Variants in PITHD1 observed in about 807,000 individuals in gnomAD.
PITHD1 encodes PITH domain containing 1.
PITHD1 carries 8 observed loss-of-function variants against 27.5 expected under a neutral mutation model. The ratio of observed to expected loss-of-function variants is 0.29; its 90% confidence interval spans 0.17 to 0.52. PITHD1 has a LOEUF of 0.52. Among genes scored for constraint, PITHD1 ranks in the 20% least tolerant of loss-of-function variants. PITHD1 has a pLI of 0.96. For synonymous variants in PITHD1, 118 were observed against 106.8 expected (o/e 1.10, Z -0.64); for missense variants, 233 against 283.9 (o/e 0.82, Z 1.29).
intron 3 of PITHD1, among the ~76,000 whole-genome samples, chr1:23,780,152 G>C (rs1025543660): frequency 6.6e-6 from 1 of 152,120 alleles, no homozygotes; most frequent in Non-Finnish European, 1.5e-5. Context: ...GCCCAACAGC[G>C]TGTCTCATAT....
In PITHD1 at chr1:23,785,568, TCTC is replaced by T. The variant is rs201013989; in HGVS notation, c.321-104_321-102del. On this transcript the variant is annotated intron_variant, in intron 3 of 5. Coordinates refer to ENST00000246151, the MANE Select transcript of PITHD1 (RefSeq NM_020362.5). ...TCTAAAATATGACCCCCAAATTCAG[TCTC>T]CTATTGATAGAACCAAAGCCATTTA... 1,439 of 581,296 alleles carry T rather than the reference TCTC, an allele frequency of 2.5e-3. 12 individuals are homozygous for T. Among genetic ancestry groups the T allele is most frequent in the African/African-American group, 0.023 (1,245 of 53,210 alleles). The allele number at this position is 581,296 out of a possible 1,614,324, so 36.0% of individuals were successfully genotyped here.
At chr1:23,786,814 A>G (rs746366974) in intron 5 of PITHD1, among the ~76,000 whole-genome samples, 4 of 151,542 alleles carry the variant, frequency 2.6e-5, no homozygotes, top group Non-Finnish European at 4.4e-5. Context: ...CTGGTCTCGA[A>G]CTCCTGACCT....
intron 3 of PITHD1, among the ~76,000 whole-genome samples, chr1:23,784,765 G>A (rs1382756057): frequency 6.6e-6 from 1 of 152,196 alleles, no homozygotes; most frequent in Non-Finnish European, 1.5e-5. Context: ...CACCCAGGCT[G>A]GAGTACAGTG....
chr1:23,779,923 A>C lies in PITHD1; in HGVS notation c.302A>C (p.His101Pro). 1 of 1,611,632 alleles carries C rather than the reference A, an allele frequency of 6.2e-7. No homozygotes were observed. The highest frequency in any genetic ancestry group is 8.5e-7 in the Non-Finnish European group (1 of 1,177,812). The change falls in exon 3 of 6, where the codon CAC (histidine) becomes CCC (proline). Residue 101 changes from histidine (H) to proline (P), a missense_variant. Physicochemically the swap from His to Pro is moderately conservative, Grantham distance 77 (BLOSUM62 -2). Coordinates refer to ENST00000246151, the MANE Select transcript of PITHD1 (RefSeq NM_020362.5). The stretch of plus-strand genomic sequence containing the variant: ...ATAATGGGAGAGGATGATGACTCAC[A>C]CCCCTCTGAGATGAGACTGTAAGTG... The part of the protein sequence containing the change: ...IIIMGEDDDS[H>P]PSEMRLYKNI...
Position 23,778,630 on chromosome 1 carries a change from C to A in PITHD1, c.115C>A (p.Arg39=). 1 of 1,332,244 alleles carries A rather than the reference C, an allele frequency of 7.5e-7. No homozygotes were observed. Among genetic ancestry groups the A allele is most frequent in the Admixed American group, 3.9e-5 (1 of 25,918 alleles). The allele number at this position is 1,332,244 out of a possible 1,614,324, so 82.5% of individuals were successfully genotyped here. The change falls in exon 1 of 6, where the codon CGG becomes AGG. Residue 39 remains arginine, a synonymous_variant. Transcript: ENST00000246151. ...CCTGTACCTGCGCATCGACCTGGAG[C>A]GGCTGCAATGCCTTAACGAGAGCCG... is the stretch of plus-strand genomic sequence containing the variant. ...YGLYLRIDLE[R]LQCLNESREG...
chr1:23,778,753 G>T, intron 1 of PITHD1, 40 bp downstream of exon 1: 1 of 1,146,176 alleles, frequency 8.7e-7, no homozygotes, highest in Non-Finnish European at 1.1e-6. Context: ...GGCAGGGTGC[G>T]TGTGGGGCCT....
At position 23,788,148 on chromosome 1, in the gene PITHD1, A is replaced by C. The variant is rs1638712566; in HGVS notation, c.*772A>C. ...TAACTAGTGTTGTAAGTCCGATGCC[A>C]GAATTTGGAGATTTGAGTTCTTCTT... On this transcript the variant is annotated 3_prime_UTR_variant, in exon 6 of 6. Coordinates refer to ENST00000246151, the MANE Select transcript of PITHD1 (RefSeq NM_020362.5). 1 of 152,246 alleles carries C rather than the reference A, an allele frequency of 6.6e-6. No individual in the cohort carries two copies. The highest frequency in any genetic ancestry group is 2.1e-4 in the South Asian group (1 of 4,830). The allele number at this position is 152,246 out of a possible 1,614,324, so 9.4% of individuals were successfully genotyped here.
chr1:23,778,674 C>T lies in PITHD1; in HGVS notation c.159C>T (p.Gly53=). The change falls in exon 1 of 6, where the codon GGC becomes GGT. Residue 53 remains glycine, a synonymous_variant. Coordinates refer to ENST00000246151, the MANE Select transcript of PITHD1 (RefSeq NM_020362.5). ...AGAGCCGCGAGGGCAGCGGCCGCGG[C>T]GTCTTCAAGCCGTGGGAGGAGCGGA... is the stretch of plus-strand genomic sequence containing the variant. ...LNESREGSGR[G]VFKPWEERTD... is the part of the protein sequence containing the mutation. The T allele has an allele frequency of 1.5e-6, 2 of 1,316,346 alleles. No homozygotes were observed. The highest frequency in any genetic ancestry group is 2.2e-5 in the South Asian group (1 of 44,798). The allele number at this position is 1,316,346 out of a possible 1,614,324, so 81.5% of individuals were successfully genotyped here.
intron 4 of PITHD1, among the ~76,000 whole-genome samples, chr1:23,785,993 G>T (rs544844233): frequency 6.6e-6 from 1 of 152,338 alleles, no homozygotes; most frequent in East Asian, 1.9e-4. Context: ...CTCCTAGGGT[G>T]GTTTTAGGAA....
chr1:23,785,167 T>A (rs1391415455), intron 3 of PITHD1: 2 of 153,420 alleles, frequency 1.3e-5, no homozygotes, highest in Admixed American at 1.3e-4. Flanking sequence ...TGGGGTTATG[T>A]TGCAGATCTC....
chr1:23,781,063 C>CTG (rs1638589667), intron 3 of PITHD1, among the ~76,000 whole-genome samples: 1 of 151,898 alleles, frequency 6.6e-6, no homozygotes, highest in Admixed American at 6.6e-5. Flanking sequence ...TGGCACACGC[C>CTG]TGTAATCCCA....
At chr1:23,785,526 T>C in intron 3 of PITHD1, 149 bp from the exon 4 acceptor site, 1 of 518,654 alleles carries the variant, frequency 1.9e-6, no homozygotes, top group Non-Finnish European at 3.5e-6. Context: ...TTGGAGATAC[T>C]TGTATAAAAT....
Position 23,779,434 on chromosome 1 carries a change from C to T in PITHD1, c.199-4C>T, listed in dbSNP as rs1161478456. 1 of 1,611,120 alleles carries T rather than the reference C, an allele frequency of 6.2e-7. No homozygotes were observed. The highest frequency in any genetic ancestry group is 8.5e-7 in the Non-Finnish European group (1 of 1,177,372). ...TTCTCCTCCCCCCTCCCCATCCCCT[C>T]CAGTTTGTTGAAAGTGATGCAGATG... On this transcript the variant is annotated splice_region_variant and splice_polypyrimidine_tract_variant and intron_variant, in intron 1 of 5. Transcript: ENST00000246151.
chr1:23,782,594 T>C (rs908751924), intron 3 of PITHD1, among the ~76,000 whole-genome samples: 4 of 151,978 alleles, frequency 2.6e-5, no homozygotes, highest in African/African-American at 7.3e-5. Flanking sequence ...AGAGCAAGGC[T>C]TAAAAAAAAA....
chr1:23,786,516 C>A, intron 5 of PITHD1, 93 bp downstream of exon 5: 1 of 468,212 alleles, frequency 2.1e-6, no homozygotes, highest in South Asian at 5.0e-5. Flanking sequence ...GAGCAAGTGT[C>A]ATAATTACTC....
intron 3 of PITHD1, among the ~76,000 whole-genome samples, chr1:23,780,490 G>C (rs568216101): frequency 1.3e-5 from 2 of 152,298 alleles, no homozygotes; most frequent in South Asian, 4.1e-4. Flanking sequence ...AAAAGAAGGG[G>C]AAAACTGCTT....
rs185152191 is a variant in PITHD1, at chr1:23,783,707, C to T, written c.321-1968C>T. Among the ~76,000 whole-genome samples, 465 of 151,754 alleles carry T rather than the reference C, an allele frequency of 3.1e-3. 2 individuals carry two copies. The highest frequency in any genetic ancestry group is 0.015 in the South Asian group (71 of 4,794). ...TGACCTCAAGTGATCCGCCTGCCTC[C>T]GCCTCCCAAAGTGCTGGGATTACAG... On this transcript the variant is annotated intron_variant, in intron 3 of 5. Coordinates refer to ENST00000246151, the MANE Select transcript of PITHD1 (RefSeq NM_020362.5).
chr1:23,782,652 A>G (rs2148400437), intron 3 of PITHD1, among the ~76,000 whole-genome samples: 1 of 152,288 alleles, frequency 6.6e-6, no homozygotes, highest in South Asian at 2.1e-4. Flanking sequence ...CCTAGGCTGG[A>G]GTGCAGTAGT....
intron 3 of PITHD1, among the ~76,000 whole-genome samples, chr1:23,785,021 A>G (rs1361746406): frequency 2.0e-5 from 3 of 152,146 alleles, no homozygotes; most frequent in Non-Finnish European, 2.9e-5. Context: ...AAGCTGTTTT[A>G]TTTAATAACA....
Sources: allele counts gnomAD v4.1 joint callset (sites outside exome capture counted in the v4.1 genomes callset), GRCh38; gene constraint gnomAD v4.1.1; transcripts MANE v1.5; gene names NCBI Gene and HGNC (gene_info 2026-07-23, HGNC 2026-07-21).